Variants in PCDH15 observed in about 807,000 individuals in gnomAD.
PCDH15 encodes the protein protocadherin-15.
A neutral mutation model predicts 178.5 loss-of-function variants in PCDH15; 129 were observed. That is an observed-to-expected ratio of 0.72 (90% CI 0.63 to 0.84). The LOEUF (loss-of-function observed/expected upper bound fraction) is 0.84, where lower values mean the gene tolerates loss of function less well. Among genes scored for constraint, PCDH15 ranks in the 40% least tolerant of loss-of-function variants. The probability of loss-of-function intolerance (pLI) is 0.00; values close to 1 mark genes in which losing one functional copy is unlikely to be tolerated. For missense variants in PCDH15, 2,230 were observed against 2,099.9 expected (o/e 1.06, Z -1.21); for synonymous variants, 800 against 732.0 (o/e 1.09, Z -1.50).
At chr10:54,784,304 A>T (rs114906846) in intron 1 of PCDH15, among the ~76,000 whole-genome samples, 5,639 of 144,228 alleles carry the variant, frequency 0.039, 291 homozygotes, top group African/African-American at 0.13. Context: ...AAAAAATAAA[A>T]AAATAAATAA....
chr10:54,053,613 G>T (rs2093823905), intron 18 of PCDH15, among the ~76,000 whole-genome samples: 1 of 152,244 alleles, frequency 6.6e-6, no homozygotes, highest in Non-Finnish European at 1.5e-5. Flanking sequence ...TTTAAAAAAT[G>T]GAGAAAAAGA....
chr10:54,723,008 T>C (rs1475068805), intron 1 of PCDH15, among the ~76,000 whole-genome samples: 1 of 151,610 alleles, frequency 6.6e-6, no homozygotes, highest in African/African-American at 2.4e-5. Flanking sequence ...CCTATCAATT[T>C]AGCAATGTTA....
intron 3 of PCDH15, among the ~76,000 whole-genome samples, chr10:54,396,679 A>G (rs901312187): frequency 1.4e-4 from 21 of 152,248 alleles, no homozygotes; most frequent in African/African-American, 4.1e-4. Flanking sequence ...CCACTTTTTA[A>G]TTCTGGAAGT....
At chr10:54,338,779 C>T (rs1941682663) in intron 6 of PCDH15, among the ~76,000 whole-genome samples, 1 of 151,824 alleles carries the variant, frequency 6.6e-6, no homozygotes, top group Non-Finnish European at 1.5e-5. Context: ...CTGGAGACTG[C>T]TACAAGGGAC....
intron 1 of PCDH15, among the ~76,000 whole-genome samples, chr10:55,284,406 G>T (rs1223468904): frequency 6.6e-6 from 1 of 151,734 alleles, no homozygotes; most frequent in African/African-American, 2.4e-5. Context: ...GTTTTCACAG[G>T]GATTTGAAAA....
chr10:55,382,619 G>T (rs958758178), intron 2 of PCDH15, among the ~76,000 whole-genome samples: 1 of 152,168 alleles, frequency 6.6e-6, no homozygotes, highest in African/African-American at 2.4e-5. Context: ...CTATAGAACT[G>T]TATGATAACG....
intron 1 of PCDH15, among the ~76,000 whole-genome samples, chr10:54,671,175 T>A (rs1338147297): frequency 6.6e-6 from 1 of 152,168 alleles, no homozygotes; most frequent in African/African-American, 2.4e-5. Flanking sequence ...AATGGAGTTT[T>A]AATGCTCAAG....
intron 3 of PCDH15, among the ~76,000 whole-genome samples, chr10:54,850,607 G>T (rs956105950): frequency 8.6e-5 from 13 of 152,026 alleles, no homozygotes; most frequent in Non-Finnish European, 1.6e-4. Context: ...TAATGTATGT[G>T]TAACCCAAAT....
At chr10:55,009,046 G>A (rs1307995905) in intron 2 of PCDH15, among the ~76,000 whole-genome samples, 4 of 151,962 alleles carry the variant, frequency 2.6e-5, no homozygotes, top group Non-Finnish European at 5.9e-5. Context: ...TGTACTATCC[G>A]GTACCTTGTA....
rs561505170 is a variant in PCDH15 at position 54,156,098 on chromosome 10, T to C, written c.1591-2805A>G. 3.7e-4 allele frequency among the ~76,000 whole-genome samples: 57 copies of C among 152,290 alleles called. 1 individual carries two copies. In the South Asian group the frequency reaches 0.011, roughly 30 times the overall value. ...TTTCAGATGAAAGTAAAAACAATAC[T>C]ATAACTTTAAAGTGTTTATTGAAAC... On this transcript the variant is annotated intron_variant, in intron 13 of 37. Coordinates refer to ENST00000644397, the MANE Select transcript of PCDH15 (RefSeq NM_001384140.1).
At chr10:55,048,238 A>G (rs921485085) in intron 2 of PCDH15, among the ~76,000 whole-genome samples, 4 of 151,886 alleles carry the variant, frequency 2.6e-5, no homozygotes, top group Non-Finnish European at 5.9e-5. Context: ...ACTTCTGTTC[A>G]ATAGAAATAA....
chr10:54,583,523 G>A (rs1011711652), intron 2 of PCDH15, among the ~76,000 whole-genome samples: 7 of 151,916 alleles, frequency 4.6e-5, no homozygotes, highest in Non-Finnish European at 8.8e-5. Context: ...ATACCACAAT[G>A]GGCAAATGCT....
intron 2 of PCDH15, among the ~76,000 whole-genome samples, chr10:54,530,020 T>A (rs1353910531): frequency 1.3e-5 from 2 of 151,956 alleles, no homozygotes; most frequent in Non-Finnish European, 2.9e-5. Flanking sequence ...AAATATTTAA[T>A]CAACAACTTT....
intron 18 of PCDH15, among the ~76,000 whole-genome samples, chr10:54,038,457 A>G (rs2093468039): frequency 6.6e-6 from 1 of 151,936 alleles, no homozygotes; most frequent in Non-Finnish European, 1.5e-5. Flanking sequence ...AAGTCAAACT[A>G]CTGTGCAGGG....
At chr10:55,083,593 G>A (rs540272480) in intron 2 of PCDH15, among the ~76,000 whole-genome samples, 2 of 151,854 alleles carry the variant, frequency 1.3e-5, no homozygotes, top group Admixed American at 6.6e-5. Context: ...GGAATAAGGG[G>A]CATATAAATT....
intron 1 of PCDH15, among the ~76,000 whole-genome samples, chr10:54,757,869 G>A (rs1947367679): frequency 6.6e-6 from 1 of 152,102 alleles, no homozygotes; most frequent in South Asian, 2.1e-4. Context: ...ATCATGGGAT[G>A]CAAGCAAAAG....
intron 2 of PCDH15, among the ~76,000 whole-genome samples, chr10:54,995,153 G>T (rs577632736): frequency 3.3e-5 from 5 of 152,088 alleles, no homozygotes; most frequent in African/African-American, 1.2e-4. Flanking sequence ...GAGGCGGGCG[G>T]ATCACGAAGT....
At chr10:54,641,990 T>C (rs2094001040) in intron 2 of PCDH15, among the ~76,000 whole-genome samples, 2 of 152,158 alleles carry the variant, frequency 1.3e-5, no homozygotes, top group South Asian at 4.1e-4. Flanking sequence ...TGATTTACAT[T>C]GGCCTTTATT....
chr10:54,083,471 T>G (rs2094466996), intron 16 of PCDH15, among the ~76,000 whole-genome samples: 1 of 152,202 alleles, frequency 6.6e-6, no homozygotes, highest in Admixed American at 6.5e-5. Context: ...TACTTGCACA[T>G]GTTGCAAGAC....
Sources: allele counts gnomAD v4.1 joint callset (sites outside exome capture counted in the v4.1 genomes callset), GRCh38; gene constraint gnomAD v4.1.1; transcripts MANE v1.5; gene names NCBI Gene and HGNC (gene_info 2026-07-23, HGNC 2026-07-21).